PRKD3: variants seen among roughly 807,000 people sequenced by gnomAD.
The protein encoded by PRKD3 is protein kinase D3.
PRKD3 carries 47 observed loss-of-function variants against 99.2 expected under a neutral mutation model. That is an observed-to-expected ratio of 0.47 (90% confidence interval 0.38 to 0.60). The LOEUF is 0.60. Ranked by LOEUF, PRKD3 falls within the 20% of genes least tolerant of loss-of-function variation. PRKD3 has a pLI of 0.00. For synonymous variants in PRKD3, 392 were observed against 355.4 expected (o/e 1.10, Z -1.16); for missense variants, 1,019 against 1,088.4 (o/e 0.94, Z 0.90).
intron 2 of PRKD3, among the ~76,000 whole-genome samples, chr2:37,296,831 C>T (rs1445265747): frequency 1.5e-5 from 2 of 136,188 alleles, no homozygotes; most frequent in Middle Eastern, 8.5e-3. Context: ...ACCCGGGAGG[C>T]GGAGGTTGTA....
At chr2:37,320,077 T>C (rs1393922774) in intron 1 of PRKD3, among the ~76,000 whole-genome samples, 4 of 152,370 alleles carry the variant, frequency 2.6e-5, no homozygotes, top group South Asian at 4.1e-4. Context: ...CTTTACTTTA[T>C]GCTAAACACA....
At chr2:37,300,433 T>C (rs989533982) in intron 2 of PRKD3, among the ~76,000 whole-genome samples, 4 of 152,076 alleles carry the variant, frequency 2.6e-5, no homozygotes, top group Middle Eastern at 3.2e-3. Flanking sequence ...TACAGTTAGA[T>C]AGAAAAAATA....
rs142391290 is a variant in PRKD3 at position 37,273,804 on chromosome 2, C to T, written c.1651+617G>A. Among the ~76,000 whole-genome samples, 842 of 151,960 alleles carry T rather than the reference C, an allele frequency of 5.5e-3. 33 individuals are homozygous for T. In the South Asian group the frequency reaches 0.065, roughly 12 times the overall value. On this transcript the variant is annotated intron_variant, in intron 11 of 18. Transcript: ENST00000234179. Reference sequence around the variant, plus strand: ...CATAATGTTAATGGGGGAGAAGTGACATTATAGTGACCTTTCGATTGTTAA... The same window carrying T: ...CATAATGTTAATGGGGGAGAAGTGATATTATAGTGACCTTTCGATTGTTAA...
chr2:37,308,557 C>T (rs1445199219), intron 2 of PRKD3, among the ~76,000 whole-genome samples: 1 of 124,584 alleles, frequency 8.0e-6, no homozygotes, highest in African/African-American at 3.0e-5. Flanking sequence ...AGAGTTCAAG[C>T]GATTCTCCTG....
intron 6 of PRKD3, among the ~76,000 whole-genome samples, chr2:37,283,204 C>G (rs1669934486): frequency 6.6e-6 from 1 of 152,196 alleles, no homozygotes; most frequent in South Asian, 2.1e-4. Context: ...GGCTCTCAAA[C>G]TGTGGTCCCA....
rs1572707505 is a variant in PRKD3 at position 37,316,901 on chromosome 2, A to G, written c.-377T>C. 9.9e-7 allele frequency: 1 copy of G among 1,011,282 alleles called. No individual in the cohort carries two copies. The highest frequency in any genetic ancestry group is 4.3e-5 in the South Asian group (1 of 23,258). 62.6% of individuals were successfully genotyped at this position (1,011,282 alleles called of 1,614,324 possible). A position where few individuals can be genotyped will look rare whatever the true frequency, so the allele number is the denominator to read the frequency against. On this transcript the variant is annotated 5_prime_UTR_variant, in exon 2 of 19. Coordinates refer to ENST00000234179, the MANE Select transcript of PRKD3 (RefSeq NM_005813.6). ...TAATTTCAGGAAATACATATTGAAT[A>G]AAAGTTGTTTTTCTGTCAAGGTGAA...
intron 1 of PRKD3, among the ~76,000 whole-genome samples, chr2:37,319,289 A>G (rs760472922): frequency 6.6e-6 from 1 of 152,172 alleles, no homozygotes; most frequent in Non-Finnish European, 1.5e-5. Context: ...GTTGGATGTT[A>G]GTGTAGTTAA....
At chr2:37,273,738 T>C (rs1669422136) in intron 11 of PRKD3, among the ~76,000 whole-genome samples, 1 of 152,202 alleles carries the variant, frequency 6.6e-6, no homozygotes, top group Non-Finnish European at 1.5e-5. Context: ...TCAATTTGAG[T>C]ATATTTCTCA....
intron 13 of PRKD3, chr2:37,267,862 A>C (rs992980184): frequency 4.0e-6 from 1 of 250,754 alleles, no homozygotes; most frequent in African/African-American, 2.3e-5. Context: ...GTCAAGATGG[A>C]AATACTGTAT....
At chr2:37,311,243 T>A (rs917199004) in intron 2 of PRKD3, among the ~76,000 whole-genome samples, 1 of 152,190 alleles carries the variant, frequency 6.6e-6, no homozygotes, top group Non-Finnish European at 1.5e-5. Context: ...AAAAGTAGGA[T>A]TGAAAATATG....
chr2:37,274,596 A>G lies in PRKD3; in HGVS notation c.1476T>C (p.Thr492=). 1 of 1,614,130 alleles carries G rather than the reference A, an allele frequency of 6.2e-7. No homozygotes were observed. The highest frequency in any genetic ancestry group is 8.5e-7 in the Non-Finnish European group (1 of 1,179,958). Residue 492 remains threonine (T), a synonymous_variant, in exon 11 of 19, where the codon ACT becomes ACC. Coordinates refer to ENST00000234179, the MANE Select transcript of PRKD3 (RefSeq NM_005813.6). The part of the protein sequence containing the change: ...NPHCFEIITD[T]MVYFVGENNG... ...TGTTCTCACCAACGAAGTATACCAT[A>G]GTATCAGTAATGATTTCAAAACAGT...
intron 18 of PRKD3, 146 bp from the exon 19 acceptor site, chr2:37,253,496 A>G (rs1346236601): frequency 5.5e-6 from 3 of 541,204 alleles, no homozygotes; most frequent in Non-Finnish European, 9.1e-6. Context: ...CTATGTACTA[A>G]GTTCTACTTG....
At chr2:37,280,548 T>G (rs1669807504) in intron 7 of PRKD3, among the ~76,000 whole-genome samples, 1 of 152,106 alleles carries the variant, frequency 6.6e-6, no homozygotes, top group Admixed American at 6.5e-5. Flanking sequence ...TTTAAGTAAA[T>G]GGTGCTAGGA....
chr2:37,281,351 G>A (rs1038604065), intron 7 of PRKD3, among the ~76,000 whole-genome samples: 2 of 152,148 alleles, frequency 1.3e-5, no homozygotes, highest in Non-Finnish European at 2.9e-5. Context: ...CAGATTAACC[G>A]AAAGAGAAAA....
chr2:37,255,651 C>T (rs530212825), intron 17 of PRKD3, among the ~76,000 whole-genome samples: 4 of 152,262 alleles, frequency 2.6e-5, no homozygotes, highest in South Asian at 2.1e-4. Flanking sequence ...TATTCATTCA[C>T]GGAGCTCACA....
rs1259903856 is a variant in PRKD3, at chr2:37,252,968, G to C, written c.*209C>G. On this transcript the variant is annotated 3_prime_UTR_variant, in exon 19 of 19. Coordinates refer to ENST00000234179, the MANE Select transcript of PRKD3 (RefSeq NM_005813.6). Reference sequence around the variant, plus strand: ...CTTAGGCTAAAAAAGTTTATAAAAAGCTTCACCTTGATTCCATTATGACTT... The same window carrying C: ...CTTAGGCTAAAAAAGTTTATAAAAACCTTCACCTTGATTCCATTATGACTT... The C allele has an allele frequency of 2.4e-6, 1 of 412,864 alleles. No homozygotes were observed. Among genetic ancestry groups the C allele is most frequent in the South Asian group, 1.2e-4 (1 of 8,228 alleles). 25.6% of individuals were successfully genotyped at this position (412,864 alleles called of 1,614,324 possible).
At chr2:37,290,285 A>G (rs181013020) in intron 4 of PRKD3, among the ~76,000 whole-genome samples, 1 of 152,100 alleles carries the variant, frequency 6.6e-6, no homozygotes, top group East Asian at 1.9e-4. Context: ...CTGGAGTGCA[A>G]TGGTGCAATC....
In PRKD3 at chr2:37,316,632, T is replaced by C. The variant is rs1446256254; in HGVS notation, c.-108A>G. On this transcript the variant is annotated 5_prime_UTR_variant, in exon 2 of 19. Coordinates refer to ENST00000234179, the MANE Select transcript of PRKD3 (RefSeq NM_005813.6). ...AAAATGACCGCACTTTTGGATTTAG[T>C]TGAAAACTTCTTTATTTCCTCTGTT... 1.3e-6 allele frequency: 2 copies of C among 1,489,768 alleles called. No individual in the cohort carries two copies. The highest frequency in any genetic ancestry group is 1.4e-5 in the African/African-American group (1 of 70,558). 92.3% of individuals were successfully genotyped at this position (1,489,768 alleles called of 1,614,324 possible). A position where few individuals can be genotyped will look rare whatever the true frequency, so the allele number is the denominator to read the frequency against.
intron 2 of PRKD3, among the ~76,000 whole-genome samples, chr2:37,293,653 T>G (rs890663117): frequency 1.2e-4 from 18 of 152,340 alleles, no homozygotes; most frequent in Admixed American, 8.5e-4. Flanking sequence ...TCAAAATTCT[T>G]CAGTAGATCT....
Sources: allele counts gnomAD v4.1 joint callset (sites outside exome capture counted in the v4.1 genomes callset), GRCh38; gene constraint gnomAD v4.1.1; transcripts MANE v1.5; gene names NCBI Gene and HGNC (gene_info 2026-07-23, HGNC 2026-07-21).